CAMTA1: variants seen among roughly 807,000 people sequenced by gnomAD.
CAMTA1 encodes the protein calmodulin binding transcription activator 1, also known as calmodulin-binding transcription activator 1.
Under a neutral mutation model 170.9 loss-of-function variants are expected in CAMTA1, and 27 were observed. The ratio of observed to expected loss-of-function variants is 0.16; its 90% CI spans 0.12 to 0.22. CAMTA1 has a LOEUF of 0.22. Ranked by LOEUF, CAMTA1 falls within the 10% of genes least tolerant of loss-of-function variation. The pLI is 1.00. For missense variants in CAMTA1, 1,619 were observed against 2,217.2 expected (o/e 0.73, Z 5.42); for synonymous variants, 833 against 891.5 (o/e 0.93, Z 1.17).
chr1:7,243,589 C>T (rs1665268088), intron 4 of CAMTA1, among the ~76,000 whole-genome samples: 1 of 152,166 alleles, frequency 6.6e-6, no homozygotes, highest in Non-Finnish European at 1.5e-5. Flanking sequence ...TGGTCTATAT[C>T]TCTGTTTTGG....
rs150401503 is a variant in CAMTA1, at chr1:7,157,736, T to C, written c.302+66365T>C. Among the ~76,000 whole-genome samples the C allele has an allele frequency of 7.5e-3, 1,146 of 152,312 alleles. 12 individuals are homozygous for C. The highest frequency in any genetic ancestry group is 0.026 in the African/African-American group (1,075 of 41,558). On this transcript the variant is annotated intron_variant, in intron 4 of 22. Coordinates refer to ENST00000303635, the MANE Select transcript of CAMTA1 (RefSeq NM_015215.4). ...AAACATATGTTCACAAAAAGACTTG[T>C]ATGAGAATGTTCTTGGCAGTTTTAC...
chr1:7,386,582 C>A (rs771734511), intron 5 of CAMTA1, among the ~76,000 whole-genome samples: 1 of 152,144 alleles, frequency 6.6e-6, no homozygotes, highest in Non-Finnish European at 1.5e-5. Context: ...TCCTACGCAG[C>A]GATGCCTCCC....
intron 4 of CAMTA1, among the ~76,000 whole-genome samples, chr1:7,212,963 G>A (rs1409518666): frequency 6.6e-6 from 1 of 152,180 alleles, no homozygotes; most frequent in Admixed American, 6.5e-5. Context: ...TTATTGCTGA[G>A]TGATGTACCA....
rs1638860788 is a variant in CAMTA1 at position 6,785,464 on chromosome 1, T to G, written c.-67T>G. ...GGGCGGGTGCGCGGCGGCGGCGGGGTGGCTGGGCCGGCGGCGGCGGCGGTA... is the reference window on the plus strand; with the variant it reads ...GGGCGGGTGCGCGGCGGCGGCGGGGGGGCTGGGCCGGCGGCGGCGGCGGTA... On this transcript the variant is annotated 5_prime_UTR_variant, in exon 1 of 23. Coordinates refer to ENST00000303635, the MANE Select transcript of CAMTA1 (RefSeq NM_015215.4). The G allele has an allele frequency of 1.0e-6, 1 of 959,508 alleles. No individual in the cohort carries two copies. Among genetic ancestry groups the G allele is most frequent in the Non-Finnish European group, 1.2e-6 (1 of 802,940 alleles). 59.4% of individuals were successfully genotyped at this position (959,508 alleles called of 1,614,324 possible). A position where few individuals can be genotyped will look rare whatever the true frequency, so the allele number is the denominator to read the frequency against.
intron 6 of CAMTA1, among the ~76,000 whole-genome samples, chr1:7,569,097 C>G (rs558111901): frequency 6.6e-6 from 1 of 151,944 alleles, no homozygotes; most frequent in Non-Finnish European, 1.5e-5. Flanking sequence ...TCACCATCAT[C>G]ATCAGTGTCA....
At chr1:7,501,738 G>C (rs1266754792) in intron 6 of CAMTA1, among the ~76,000 whole-genome samples, 1 of 152,042 alleles carries the variant, frequency 6.6e-6, no homozygotes, top group Non-Finnish European at 1.5e-5. Context: ...GGGCTCTTCT[G>C]CTGTGGGTTT....
chr1:7,726,401 G>A (rs1377303544), intron 11 of CAMTA1, among the ~76,000 whole-genome samples: 2 of 152,120 alleles, frequency 1.3e-5, no homozygotes, highest in African/African-American at 4.8e-5. Context: ...GGCCACAAAA[G>A]TTTGGTCATT....
At chr1:7,447,217 C>T (rs1014208564) in intron 5 of CAMTA1, among the ~76,000 whole-genome samples, 2 of 152,012 alleles carry the variant, frequency 1.3e-5, no homozygotes, top group East Asian at 1.9e-4. Flanking sequence ...TTTGTAAACA[C>T]GTGGTGCGCG....
At chr1:7,518,263 A>C (rs2149945002) in intron 6 of CAMTA1, among the ~76,000 whole-genome samples, 1 of 152,070 alleles carries the variant, frequency 6.6e-6, no homozygotes, top group South Asian at 2.1e-4. Flanking sequence ...GACTTCTAGA[A>C]GCCCCTCCCG....
At chr1:7,374,558 G>A (rs1441611786) in intron 5 of CAMTA1, among the ~76,000 whole-genome samples, 2 of 152,230 alleles carry the variant, frequency 1.3e-5, no homozygotes, top group Non-Finnish European at 2.9e-5. Context: ...GAAGAAGATT[G>A]GAGACTTCCA....
At chr1:7,538,770 C>T (rs536643925) in intron 6 of CAMTA1, among the ~76,000 whole-genome samples, 12 of 152,228 alleles carry the variant, frequency 7.9e-5, no homozygotes, top group Non-Finnish European at 1.5e-4. Context: ...GACCAGCTGA[C>T]CAGCTGCCTC....
intron 3 of CAMTA1, among the ~76,000 whole-genome samples, chr1:6,975,767 C>T (rs1256390939): frequency 6.6e-6 from 1 of 152,128 alleles, no homozygotes. Flanking sequence ...TTTTAATCGC[C>T]CCAAAAGGAA....
intron 5 of CAMTA1, among the ~76,000 whole-genome samples, chr1:7,323,163 AG>A (rs1450672856): frequency 6.6e-6 from 1 of 151,946 alleles, no homozygotes; most frequent in African/African-American, 2.4e-5. Context: ...TTTTCCTCAA[AG>A]TACTACTTTA....
chr1:6,845,235 G>C (rs963266342), intron 3 of CAMTA1, among the ~76,000 whole-genome samples: 3 of 152,170 alleles, frequency 2.0e-5, no homozygotes, highest in Non-Finnish European at 4.4e-5. Flanking sequence ...AGCAGCTGAT[G>C]GTCCAGGGGC....
intron 5 of CAMTA1, among the ~76,000 whole-genome samples, chr1:7,421,202 G>A (rs566547671): frequency 1.5e-4 from 22 of 151,284 alleles, no homozygotes; most frequent in Non-Finnish European, 2.5e-4. Flanking sequence ...GCCCAGGCTG[G>A]AGTGCAGTGG....
chr1:7,143,007 G>A (rs535536556), intron 4 of CAMTA1, among the ~76,000 whole-genome samples: 1 of 152,286 alleles, frequency 6.6e-6, no homozygotes, highest in Non-Finnish European at 1.5e-5. Flanking sequence ...GGTTCACATT[G>A]GGGAACCTGG....
intron 5 of CAMTA1, among the ~76,000 whole-genome samples, chr1:7,427,073 T>C (rs994236898): frequency 6.6e-5 from 10 of 152,168 alleles, no homozygotes; most frequent in African/African-American, 2.4e-4. Context: ...AGAGGTGGCA[T>C]CCATCCTCAA....
chr1:6,931,505 A>G (rs947732756), intron 3 of CAMTA1, among the ~76,000 whole-genome samples: 14 of 152,286 alleles, frequency 9.2e-5, no homozygotes, highest in Middle Eastern at 3.4e-3. Flanking sequence ...AATCACGCAG[A>G]TGATAATTTA....
rs540885772 is a variant in CAMTA1, at chr1:7,563,590, G to A, written c.511-76810G>A. Among the ~76,000 whole-genome samples the A allele has an allele frequency of 1.6e-4, 24 of 152,314 alleles. No homozygotes were observed. The South Asian group carries it at 3.7e-3, about 24-fold the overall frequency. The stretch of plus-strand genomic sequence containing the variant: ...AGGGTGTTAGCAACCCTTGGCTTGG[G>A]GTGGCTCTGATGGCCACCTTGAGAC... On this transcript the variant is annotated intron_variant, in intron 6 of 22. Coordinates refer to ENST00000303635, the MANE Select transcript of CAMTA1 (RefSeq NM_015215.4).
Sources: gnomAD v4.1 joint callset for allele counts (sites outside exome capture counted in the v4.1 genomes callset) on GRCh38, gnomAD v4.1.1 for gene constraint, MANE v1.5 for transcripts, NCBI Gene and HGNC (gene_info 2026-07-23, HGNC 2026-07-21) for gene names.